Variants in SH3BGRL2 observed in about 807,000 individuals in gnomAD.
The protein encoded by SH3BGRL2 is SH3 domain-binding glutamic acid-rich-like protein 2.
A neutral mutation model predicts 14.8 loss-of-function variants in SH3BGRL2; 21 were observed. That is an observed-to-expected ratio of 1.42 (90% CI 1.01 to 2.05). The LOEUF is 2.05. Ranked by LOEUF, SH3BGRL2 falls within the 30% of genes most tolerant of loss-of-function variation. SH3BGRL2 has a pLI of 0.00. For synonymous variants in SH3BGRL2, 50 were observed against 47.8 expected (o/e 1.05, Z -0.19); for missense variants, 147 against 130.8 (o/e 1.12, Z -0.61).
the SH3BGRL2 span, among the ~76,000 whole-genome samples, chr6:79,587,809 C>T: frequency 6.6e-6 from 1 of 152,240 alleles, no homozygotes; most frequent in East Asian, 1.9e-4. Flanking sequence ...CCTAAAGAAG[C>T]AGATAGGTCT....
chr6:79,570,363 T>G, the SH3BGRL2 span, among the ~76,000 whole-genome samples: 1 of 152,016 alleles, frequency 6.6e-6, no homozygotes, highest in African/African-American at 2.4e-5. Flanking sequence ...CACTCTGGAG[T>G]GCTAGCTCAA....
At chr6:79,630,671 T>G (rs966956230), upstream of SH3BGRL2, among the ~76,000 whole-genome samples, 1 of 152,178 alleles carries the variant, frequency 6.6e-6, no homozygotes, top group African/African-American at 2.4e-5. Context: ...GATTCCAATT[T>G]CGTTTGGTAT....
chr6:79,674,773 T>A (rs1268934207), intron 2 of SH3BGRL2, among the ~76,000 whole-genome samples: 1 of 152,170 alleles, frequency 6.6e-6, no homozygotes, highest in African/African-American at 2.4e-5. Flanking sequence ...CTGAGGAGAA[T>A]CCTGAACATG....
the SH3BGRL2 span, among the ~76,000 whole-genome samples, chr6:79,562,960 T>C: frequency 1.3e-5 from 2 of 152,046 alleles, no homozygotes; most frequent in South Asian, 4.1e-4. Flanking sequence ...TGTTTGTTTG[T>C]TTGCTTGTTT....
At chr6:79,574,422 A>G in the SH3BGRL2 span, 1 of 152,180 alleles carries the variant, frequency 6.6e-6, no homozygotes, top group South Asian at 2.1e-4. Flanking sequence ...TTTGGGCAGA[A>G]CAGCGGGGGA....
the SH3BGRL2 span, among the ~76,000 whole-genome samples, chr6:79,594,940 G>C: frequency 1.3e-5 from 2 of 152,286 alleles, no homozygotes; most frequent in African/African-American, 4.8e-5. Context: ...AGATCTCCAA[G>C]ATACAAACCA....
At chr6:79,617,024 A>G in the SH3BGRL2 span, among the ~76,000 whole-genome samples, 5 of 152,158 alleles carry the variant, frequency 3.3e-5, no homozygotes, top group Non-Finnish European at 7.4e-5. Flanking sequence ...CATCTCTACT[A>G]AAAATACAAA....
At chr6:79,543,902 C>G in the SH3BGRL2 span, among the ~76,000 whole-genome samples, 1 of 152,118 alleles carries the variant, frequency 6.6e-6, no homozygotes. Flanking sequence ...TCTAACAGAA[C>G]CTTTTAAAGA....
chr6:79,684,007 C>A (rs1770044590), intron 2 of SH3BGRL2, among the ~76,000 whole-genome samples: 1 of 152,072 alleles, frequency 6.6e-6, no homozygotes, highest in Non-Finnish European at 1.5e-5. Context: ...TGTTTAGAGT[C>A]AGTGAGGAAA....
At chr6:79,679,068 C>A (rs1392030035) in intron 2 of SH3BGRL2, among the ~76,000 whole-genome samples, 1 of 152,116 alleles carries the variant, frequency 6.6e-6, no homozygotes, top group African/African-American at 2.4e-5. Flanking sequence ...GTGCATAGTG[C>A]AGTAATGAGC....
chr6:79,658,665 G>A (rs1769474059), intron 1 of SH3BGRL2, among the ~76,000 whole-genome samples: 1 of 152,160 alleles, frequency 6.6e-6, no homozygotes, highest in African/African-American at 2.4e-5. Context: ...CCCAGTAATG[G>A]GATTGCTAGG....
intron 3 of SH3BGRL2, 115 bp downstream of exon 3, chr6:79,696,680 T>C: frequency 1.4e-6 from 1 of 724,208 alleles, no homozygotes; most frequent in Non-Finnish European, 2.1e-6. Flanking sequence ...ATTTGGGGGT[T>C]TTGCTTCCTC....
the SH3BGRL2 span, among the ~76,000 whole-genome samples, chr6:79,607,980 C>T: frequency 1.3e-5 from 2 of 152,082 alleles, no homozygotes; most frequent in African/African-American, 2.4e-5. Context: ...TTAATCAGCT[C>T]ATGGTTCCTC....
chr6:79,570,299 G>A, the SH3BGRL2 span, among the ~76,000 whole-genome samples: 1 of 152,012 alleles, frequency 6.6e-6, no homozygotes. Context: ...CATCATCTAG[G>A]GCAAGGATGG....
chr6:79,610,782 C>A, the SH3BGRL2 span, among the ~76,000 whole-genome samples: 1 of 152,210 alleles, frequency 6.6e-6, no homozygotes, highest in South Asian at 2.1e-4. Flanking sequence ...TGGTCAGTCC[C>A]ATAACTTACA....
chr6:79,659,152 A>G (rs1161017433), intron 1 of SH3BGRL2, among the ~76,000 whole-genome samples: 1 of 151,974 alleles, frequency 6.6e-6, no homozygotes, highest in African/African-American at 2.4e-5. Context: ...ATTAGATCCC[A>G]TTTGTCAATT....
At chr6:79,652,929 A>G (rs1204447934) in intron 1 of SH3BGRL2, among the ~76,000 whole-genome samples, 1 of 152,052 alleles carries the variant, frequency 6.6e-6, no homozygotes, top group African/African-American at 2.4e-5. Flanking sequence ...ACAATGTAAC[A>G]TTAGGTAAAT....
chr6:79,578,327 G>T, the SH3BGRL2 span, among the ~76,000 whole-genome samples: 14 of 152,334 alleles, frequency 9.2e-5, 1 homozygote, highest in South Asian at 2.7e-3. Flanking sequence ...CTCCTCAAGT[G>T]GGTCCCTGAC....
At chr6:79,540,728 A>G in the SH3BGRL2 span, among the ~76,000 whole-genome samples, 1 of 152,184 alleles carries the variant, frequency 6.6e-6, no homozygotes, top group East Asian at 1.9e-4. Context: ...TGAACTACTG[A>G]TTAACACGGA....
Sources: gnomAD v4.1 joint callset for allele counts (sites outside exome capture counted in the v4.1 genomes callset) on GRCh38, gnomAD v4.1.1 for gene constraint, MANE v1.5 for transcripts, NCBI Gene and HGNC (gene_info 2026-07-23, HGNC 2026-07-21) for gene names.